SOX6: variants seen among roughly 807,000 people sequenced by gnomAD.
SOX6 encodes SRY-box transcription factor 6, also known as transcription factor SOX-6.
A neutral mutation model predicts 97.8 loss-of-function variants in SOX6; 11 were observed. That is an observed-to-expected ratio of 0.11 (90% CI 0.07 to 0.19). The LOEUF is 0.19. SOX6 is among the 10% of genes least tolerant of loss of function. The pLI is 1.00. For missense variants in SOX6, 810 were observed against 1,039.5 expected (o/e 0.78, Z 3.04); for synonymous variants, 360 against 371.4 (o/e 0.97, Z 0.35).
intron 13 of SOX6, among the ~76,000 whole-genome samples, chr11:16,004,853 C>G (rs961249440): frequency 7.9e-5 from 12 of 152,024 alleles, no homozygotes; most frequent in Non-Finnish European, 1.6e-4. Context: ...AGCTAAGTAG[C>G]CTTGGATAAA....
rs115826027 is a variant in SOX6, at chr11:16,433,328, T to A, written c.-5+42987A>T. On this transcript the variant is annotated intron_variant, in intron 1 of 15. Coordinates refer to the SOX6 transcript ENST00000396356. ...TTAAAGACAGAGTGAACACTGACTT[T>A]ATCAATAGAAATATGAAATATAGCA... 2.6e-3 allele frequency among the ~76,000 whole-genome samples: 401 copies of A among 152,164 alleles called. 3 individuals carry two copies. The highest frequency in any genetic ancestry group is 9.1e-3 in the African/African-American group (379 of 41,560).
At chr11:16,487,024 G>C (rs552080589) in intron 4 of SOX6, among the ~76,000 whole-genome samples, 3 of 152,102 alleles carry the variant, frequency 2.0e-5, no homozygotes, top group Non-Finnish European at 1.5e-5. Flanking sequence ...GTAATTCCTA[G>C]CACACTAAAA....
At chr11:16,480,655 C>CT (rs368123096), upstream of SOX6, among the ~76,000 whole-genome samples, 1 of 149,330 alleles carries the variant, frequency 6.7e-6, no homozygotes, top group African/African-American at 2.5e-5. Flanking sequence ...ACCCCCCCCC[C>CT]ACCTTCTTTT....
chr11:16,099,120 C>T (rs1848874705), intron 7 of SOX6, among the ~76,000 whole-genome samples: 3 of 151,796 alleles, frequency 2.0e-5, no homozygotes. Flanking sequence ...ATATGGAGCG[C>T]TGCTACAATG....
chr11:16,267,208 A>T (rs1052784127), intron 3 of SOX6, among the ~76,000 whole-genome samples: 21 of 7,828 alleles, frequency 2.7e-3, no homozygotes, highest in African/African-American at 7.1e-3. Flanking sequence ...GTTAAAATTA[A>T]AAAAAAACTT....
chr11:16,522,742 C>T (rs566456043), intron 4 of SOX6, among the ~76,000 whole-genome samples: 105 of 152,242 alleles, frequency 6.9e-4, no homozygotes, highest in African/African-American at 1.8e-3. Context: ...ACCCATCCCA[C>T]GTGCGGAGAC....
At chr11:16,385,497 C>G (rs2134416496) in intron 1 of SOX6, among the ~76,000 whole-genome samples, 1 of 152,114 alleles carries the variant, frequency 6.6e-6, no homozygotes, top group South Asian at 2.1e-4. Flanking sequence ...TATGCTTAAT[C>G]TCAGTAGTGT....
At chr11:16,193,414 T>C (rs964934789) in intron 4 of SOX6, among the ~76,000 whole-genome samples, 10 of 152,028 alleles carry the variant, frequency 6.6e-5, no homozygotes, top group Non-Finnish European at 1.0e-4. Flanking sequence ...GGTGTTAACA[T>C]ACCAAGCCAA....
chr11:16,618,036 T>C (rs1302798116), intron 3 of SOX6, among the ~76,000 whole-genome samples: 1 of 151,816 alleles, frequency 6.6e-6, no homozygotes, highest in East Asian at 1.9e-4. Context: ...TCCTTTTCAT[T>C]TAGAAGGAAA....
chr11:16,200,825 G>C (rs1851915412), intron 4 of SOX6, among the ~76,000 whole-genome samples: 1 of 152,072 alleles, frequency 6.6e-6, no homozygotes. Flanking sequence ...AAAAATACAG[G>C]CTGGGCGCGA....
chr11:16,531,251 T>G (rs765973373), intron 4 of SOX6, among the ~76,000 whole-genome samples: 1 of 151,352 alleles, frequency 6.6e-6, no homozygotes, highest in Non-Finnish European at 1.5e-5. Flanking sequence ...CTGCTGGGAC[T>G]AATTTTTTAA....
intron 9 of SOX6, among the ~76,000 whole-genome samples, chr11:16,064,831 A>C (rs1473608986): frequency 6.6e-6 from 1 of 151,914 alleles, no homozygotes; most frequent in Admixed American, 6.6e-5. Flanking sequence ...CTGATTTAAA[A>C]ACCCTAAAAA....
At chr11:16,323,860 C>T (rs967230310) in intron 2 of SOX6, among the ~76,000 whole-genome samples, 5 of 152,008 alleles carry the variant, frequency 3.3e-5, no homozygotes, top group African/African-American at 1.2e-4. Context: ...GACTGACAAA[C>T]TTGAAACAAC....
At chr11:16,615,634 C>A (rs1237428152) in intron 3 of SOX6, among the ~76,000 whole-genome samples, 3 of 152,074 alleles carry the variant, frequency 2.0e-5, no homozygotes, top group Non-Finnish European at 4.4e-5. Context: ...GTGATAGAAA[C>A]CAGAACATTG....
intron 3 of SOX6, among the ~76,000 whole-genome samples, chr11:16,702,773 A>G (rs992559279): frequency 1.3e-5 from 2 of 152,132 alleles, no homozygotes; most frequent in African/African-American, 4.8e-5. Context: ...TTGATGTCCC[A>G]GGCACCTTCA....
At chr11:16,526,628 TATA>T (rs1345157959) in intron 4 of SOX6, among the ~76,000 whole-genome samples, 2 of 152,046 alleles carry the variant, frequency 1.3e-5, no homozygotes, top group Non-Finnish European at 2.9e-5. Flanking sequence ...AAACTTAAAG[TATA>T]ATAATAATAA....
intron 4 of SOX6, among the ~76,000 whole-genome samples, chr11:16,220,320 C>A (rs1852500781): frequency 6.6e-6 from 1 of 151,928 alleles, no homozygotes; most frequent in Non-Finnish European, 1.5e-5. Flanking sequence ...TTGGCCTGTA[C>A]TTAAACCAGA....
chr11:16,188,262 T>A (rs190841454), intron 4 of SOX6, among the ~76,000 whole-genome samples: 15 of 149,472 alleles, frequency 1.0e-4, no homozygotes, highest in Middle Eastern at 7.2e-3. Flanking sequence ...GCTGTCAGTA[T>A]CTCTTATATC....
upstream of SOX6, among the ~76,000 whole-genome samples, chr11:16,478,558 A>G (rs1860292736): frequency 6.6e-6 from 1 of 152,228 alleles, no homozygotes; most frequent in South Asian, 2.1e-4. Flanking sequence ...GCAACTGTGA[A>G]TCTCATTATC....
Sources: allele counts gnomAD v4.1 joint callset (sites outside exome capture counted in the v4.1 genomes callset), GRCh38; gene constraint gnomAD v4.1.1; transcripts MANE v1.5; gene names NCBI Gene and HGNC (gene_info 2026-07-23, HGNC 2026-07-21).